The following NLGN4Y variants were observed in gnomAD, a reference collection of about 807,000 sequenced individuals.
NLGN4Y encodes the protein neuroligin-4, Y-linked.
Under a neutral mutation model 8.4 loss-of-function variants are expected in NLGN4Y, and 4 were observed. The ratio of observed to expected loss-of-function variants is 0.48; its 90% confidence interval spans 0.23 to 1.09. NLGN4Y has a LOEUF of 1.09. NLGN4Y is among the 50% of genes least tolerant of loss of function. The probability of loss-of-function intolerance (pLI) is 0.19; values close to 1 mark genes in which losing one functional copy is unlikely to be tolerated. For synonymous variants in NLGN4Y, 35 were observed against 75.6 expected, an observed-to-expected ratio of 0.46 and a Z score of 2.78; for missense variants, 90 against 192.3, an observed-to-expected ratio of 0.47 and a Z score of 3.15.
At chrY:14,725,017 T>C (rs2080951356) in intron 4 of NLGN4Y, among the ~76,000 whole-genome samples, 1 of 33,404 alleles carries the variant, frequency 3.0e-5, no homozygotes, top group African/African-American at 1.2e-4. Flanking sequence ...CTGAAGACCC[T>C]TAACTAATTA....
chrY:14,677,636 T>G (rs914381495), intron 2 of NLGN4Y, among the ~76,000 whole-genome samples: 4 of 33,710 alleles, frequency 1.2e-4, no homozygotes, highest in African/African-American at 3.5e-4. Context: ...TTTATTTCCC[T>G]TCACAAAATA....
intron 1 of NLGN4Y, among the ~76,000 whole-genome samples, chrY:14,601,873 G>A (rs1019920158): frequency 3.1e-5 from 1 of 32,629 alleles, no homozygotes; most frequent in Non-Finnish European, 7.5e-5. Context: ...AGCCGAGATC[G>A]AGCAACTGCA....
At chrY:14,647,291 G>A (rs776589054) in intron 2 of NLGN4Y, among the ~76,000 whole-genome samples, 1 of 34,204 alleles carries the variant, frequency 2.9e-5, no homozygotes, top group African/African-American at 1.1e-4. Context: ...GATATTTAAA[G>A]AAGGGGAGAG....
chrY:14,715,654 G>A (rs2080912818), intron 2 of NLGN4Y, among the ~76,000 whole-genome samples: 6 of 32,648 alleles, frequency 1.8e-4, no homozygotes, highest in African/African-American at 1.2e-4. Flanking sequence ...GGTAGGAGAC[G>A]GATGGCATTA....
At chrY:14,549,015 C>G in intron 1 of NLGN4Y, among the ~76,000 whole-genome samples, 1 of 32,493 alleles carries the variant, frequency 3.1e-5, no homozygotes, top group Non-Finnish European at 7.5e-5. Flanking sequence ...CTCACTTCCC[C>G]TCCAAGTTTC....
At chrY:14,568,816 T>C in intron 1 of NLGN4Y, among the ~76,000 whole-genome samples, 8 of 32,829 alleles carry the variant, frequency 2.4e-4, no homozygotes, top group African/African-American at 4.7e-4. Context: ...TATTACCATA[T>C]ATATATTTTT....
intron 4 of NLGN4Y, 97 bp from the exon 5 acceptor site, chrY:14,824,091 G>T: frequency 3.7e-6 from 1 of 270,754 alleles, no homozygotes; most frequent in Non-Finnish European, 5.8e-6. Flanking sequence ...TGTGGAGAGA[G>T]AGAATGAAGA....
chrY:14,632,928 T>A, intron 2 of NLGN4Y, among the ~76,000 whole-genome samples: 1 of 33,341 alleles, frequency 3.0e-5, no homozygotes. Flanking sequence ...ATATTATTGG[T>A]AGTATTTGGT....
At chrY:14,789,120 C>A in intron 4 of NLGN4Y, among the ~76,000 whole-genome samples, 7 of 31,955 alleles carry the variant, frequency 2.2e-4, no homozygotes, top group Non-Finnish European at 4.5e-4. Context: ...CAGGAGTGTG[C>A]CACCACACCT....
At chrY:14,728,124 A>C in intron 4 of NLGN4Y, among the ~76,000 whole-genome samples, 1 of 34,018 alleles carries the variant, frequency 2.9e-5, no homozygotes. Flanking sequence ...TCAGTAATGC[A>C]AAATAAATTG....
intron 4 of NLGN4Y, among the ~76,000 whole-genome samples, chrY:14,770,967 C>G (rs1034231796): frequency 3.1e-5 from 1 of 32,437 alleles, no homozygotes; most frequent in Non-Finnish European, 7.5e-5. Flanking sequence ...GATTGAAGAT[C>G]AACTTAATGA....
At chrY:14,795,932 T>C (rs1019577618) in intron 4 of NLGN4Y, among the ~76,000 whole-genome samples, 1 of 32,873 alleles carries the variant, frequency 3.0e-5, no homozygotes, top group Non-Finnish European at 7.4e-5. Context: ...GGTCCTCTTC[T>C]TAAGGTCTTC....
At chrY:14,812,944 C>T (rs763169794) in intron 4 of NLGN4Y, among the ~76,000 whole-genome samples, 10 of 28,273 alleles carry the variant, frequency 3.5e-4, no homozygotes, top group South Asian at 3.4e-3. Context: ...CCTTCCTTCC[C>T]TCCTTCCTTC....
intron 1 of NLGN4Y, among the ~76,000 whole-genome samples, chrY:14,618,721 G>A (rs2080498591): frequency 3.0e-5 from 1 of 32,923 alleles, no homozygotes; most frequent in African/African-American, 1.2e-4. Flanking sequence ...GGGTCATTCA[G>A]CACTGTCTGG....
intron 1 of NLGN4Y, among the ~76,000 whole-genome samples, chrY:14,621,323 A>T (rs765539672): frequency 5.9e-5 from 2 of 33,850 alleles, no homozygotes; most frequent in East Asian, 1.6e-3. Flanking sequence ...CCCTTAGGAA[A>T]GAGTGAAAAT....
At chrY:14,803,419 C>T in intron 4 of NLGN4Y, among the ~76,000 whole-genome samples, 2 of 30,608 alleles carry the variant, frequency 6.5e-5, no homozygotes, top group East Asian at 7.9e-4. Flanking sequence ...CCTACTTCAG[C>T]AATGAGGATG....
At chrY:14,744,173 T>C (rs1000226611) in intron 4 of NLGN4Y, among the ~76,000 whole-genome samples, 2 of 33,554 alleles carry the variant, frequency 6.0e-5, no homozygotes, top group Non-Finnish European at 1.5e-4. Flanking sequence ...GAACGGCACT[T>C]ATGGACACAT....
rs769431522 is a variant in NLGN4Y, at chrY:14,622,050, C to T, written c.-70C>T. ...CGAAAGACTTATCTTTCTGCAGGCT[C>T]GCCTCTGAGCTTTGTCTCCTTGGAG... On this transcript the variant is annotated 5_prime_UTR_variant, in exon 2 of 7. Coordinates refer to ENST00000684976, the MANE Select transcript of NLGN4Y (RefSeq NM_001365588.1). The T allele has an allele frequency of 6.0e-5, 15 of 251,434 alleles. No individual in the cohort carries two copies. Among genetic ancestry groups the T allele is most frequent in the Middle Eastern group, 7.7e-4 (1 of 1,305 alleles). The allele number at this position is 251,434 out of a possible 400,897, so 62.7% of individuals were successfully genotyped here. A position where few individuals can be genotyped will look rare whatever the true frequency, so the allele number is the denominator to read the frequency against.
chrY:14,703,574 T>C, intron 2 of NLGN4Y, among the ~76,000 whole-genome samples: 1 of 33,658 alleles, frequency 3.0e-5, no homozygotes. Flanking sequence ...CCTTGTAGTA[T>C]AGTTTGAAGT....
Sources: allele counts gnomAD v4.1 joint callset (sites outside exome capture counted in the v4.1 genomes callset), GRCh38; gene constraint gnomAD v4.1.1; transcripts MANE v1.5; gene names NCBI Gene and HGNC (gene_info 2026-07-23, HGNC 2026-07-21).